Variants in MVB12B observed in about 807,000 individuals in gnomAD.
MVB12B encodes the protein ESCRT-I complex subunit MVB12B.
In MVB12B, 16 loss-of-function variants were observed where a neutral mutation model predicts 41.6. The ratio of observed to expected loss-of-function variants is 0.38; its 90% CI spans 0.26 to 0.58. MVB12B has a LOEUF of 0.58. MVB12B is among the 20% of genes least tolerant of loss of function. The probability of loss-of-function intolerance (pLI) is 0.62; values close to 1 mark genes in which losing one functional copy is unlikely to be tolerated. For synonymous variants in MVB12B, 133 were observed against 139.7 expected (o/e 0.95, Z 0.34); for missense variants, 274 against 380.2 (o/e 0.72, Z 2.32).
At position 126,392,581 on chromosome 9, in the gene MVB12B, G is replaced by T. The variant is rs1031575246; in HGVS notation, c.539+386G>T. 6.6e-6 allele frequency among the ~76,000 whole-genome samples: 1 copy of T among 152,234 alleles called. No individual in the cohort carries two copies. The highest frequency in any genetic ancestry group is 2.4e-5 in the African/African-American group (1 of 41,458). On this transcript the variant is annotated intron_variant, in intron 5 of 9. Transcript: ENST00000361171. This position sits in a 1 kb window ranked among gnomAD's most constrained non-coding sequence, Gnocchi z 4.8. ...GGATGTGGATATAAGTGAGGCAAAG[G>T]CCGTGCTGTCACAGAGCTGATGTTC...
chr9:126,491,121 C>G (rs72758795), intron 9 of MVB12B, among the ~76,000 whole-genome samples: 8,469 of 152,308 alleles, frequency 0.056, 374 homozygotes, highest in Non-Finnish European at 0.075. Flanking sequence ...GCCGATTCCA[C>G]TAGCATTTAC....
chr9:126,448,797 TG>T (rs1160242382), intron 7 of MVB12B, among the ~76,000 whole-genome samples: 2 of 152,158 alleles, frequency 1.3e-5, no homozygotes, highest in Admixed American at 6.5e-5. Flanking sequence ...ATGAGGGATC[TG>T]CCCCCTGATC....
At chr9:126,482,967 C>T (rs900810655) in intron 8 of MVB12B, among the ~76,000 whole-genome samples, 5 of 152,254 alleles carry the variant, frequency 3.3e-5, no homozygotes, top group Admixed American at 1.3e-4. Flanking sequence ...CGCCAGGAGG[C>T]GCTGAGACTG....
rs1246539543 is a variant in MVB12B, at chr9:126,478,548, G to A, written c.758-2821G>A. Among the ~76,000 whole-genome samples the A allele has an allele frequency of 6.6e-6, 1 of 152,186 alleles. No individual in the cohort carries two copies. Among genetic ancestry groups the A allele is most frequent in the Non-Finnish European group, 1.5e-5 (1 of 68,024 alleles). The stretch of plus-strand genomic sequence containing the variant: ...TGCAGGAGAGGCACTCAGAAGACTG[G>A]GAAGGACAGTTGAGGTACAAGCATA... On this transcript the variant is annotated intron_variant, in intron 7 of 9. Transcript: ENST00000361171. This position sits in a 1 kb window ranked among gnomAD's most constrained non-coding sequence, Gnocchi z 4.2.
intron 6 of MVB12B, 78 bp from the exon 7 acceptor site, chr9:126,421,776 T>C: frequency 9.3e-7 from 1 of 1,080,638 alleles, no homozygotes; most frequent in South Asian, 1.3e-5. Flanking sequence ...GCATTTCAGC[T>C]GTTGATGGCG....
intron 2 of MVB12B, among the ~76,000 whole-genome samples, chr9:126,368,975 C>T (rs1420361192): frequency 3.9e-5 from 6 of 152,024 alleles, no homozygotes; most frequent in Admixed American, 6.6e-5. Context: ...TCTAGACTCG[C>T]GTGTGTAGAC....
chr9:126,475,643 C>T (rs140191269), intron 7 of MVB12B, among the ~76,000 whole-genome samples: 7 of 152,270 alleles, frequency 4.6e-5, no homozygotes, highest in South Asian at 4.1e-4. Flanking sequence ...GTGAGAGCCC[C>T]GCTCCTCTTG....
chr9:126,489,520 C>T (rs990493940), intron 9 of MVB12B, among the ~76,000 whole-genome samples: 1 of 152,206 alleles, frequency 6.6e-6, no homozygotes, highest in Non-Finnish European at 1.5e-5. Context: ...TCAGTGGATG[C>T]GCCATTGAGC....
chr9:126,340,727 C>T lies in MVB12B; in HGVS notation c.204+97C>T. ...TTCTGGCCCTTGCGTGTAAGATGTGCTTCTTCCCTCTAGGAACTTAATCCA... is the reference window on the plus strand; with the variant it reads ...TTCTGGCCCTTGCGTGTAAGATGTGTTTCTTCCCTCTAGGAACTTAATCCA... On this transcript the variant is annotated intron_variant, in intron 2 of 9. Coordinates refer to ENST00000361171, the MANE Select transcript of MVB12B (RefSeq NM_033446.3). This position sits in a 1 kb window ranked among gnomAD's most constrained non-coding sequence, Gnocchi z 4.0. The T allele has an allele frequency of 3.6e-6, 5 of 1,406,298 alleles. No individual in the cohort carries two copies. The highest frequency in any genetic ancestry group is 4.9e-6 in the Non-Finnish European group (5 of 1,020,738). The allele number at this position is 1,406,298 out of a possible 1,614,324, so 87.1% of individuals were successfully genotyped here.
chr9:126,484,173 G>A (rs546537294), intron 9 of MVB12B, 141 bp downstream of exon 9: 53 of 705,940 alleles, frequency 7.5e-5, no homozygotes, highest in African/African-American at 7.1e-4. Context: ...AAACACTTTC[G>A]TTGCACCCAA....
rs1305946958 is a variant in MVB12B at position 126,459,353 on chromosome 9, A to G, written c.758-22016A>G. Among the ~76,000 whole-genome samples, 3 of 152,150 alleles carry G rather than the reference A, an allele frequency of 2.0e-5. No individual in the cohort carries two copies. The highest frequency in any genetic ancestry group is 4.1e-4 in the South Asian group (2 of 4,824). ...TCTTAGGGGACTGTGACCCATGGGG[A>G]CAGTCTAGCATGGTGCTTGGCACAA... is the stretch of plus-strand genomic sequence containing the variant. On this transcript the variant is annotated intron_variant, in intron 7 of 9. Transcript: ENST00000361171. The surrounding 1 kb of genome is among the most constrained non-coding windows in gnomAD (Gnocchi z 4.3).
chr9:126,393,384 C>T (rs1190316923), intron 5 of MVB12B, among the ~76,000 whole-genome samples: 1 of 152,226 alleles, frequency 6.6e-6, no homozygotes, highest in Non-Finnish European at 1.5e-5. Flanking sequence ...AGTAGCTCCA[C>T]CTGCTTTTCA....
At chr9:126,336,560 A>C (rs1196777388) in intron 1 of MVB12B, among the ~76,000 whole-genome samples, 1 of 152,230 alleles carries the variant, frequency 6.6e-6, no homozygotes, top group African/African-American at 2.4e-5. Context: ...GGCCTCCCCA[A>C]GCGCTATCTG....
chr9:126,404,026 TCA>T (rs977695369), intron 6 of MVB12B, among the ~76,000 whole-genome samples: 1 of 145,414 alleles, frequency 6.9e-6, no homozygotes, highest in Non-Finnish European at 1.5e-5. Flanking sequence ...CTATCTCGGC[TCA>T]CTGCAACCTC....
chr9:126,361,798 C>T (rs1217653124), intron 2 of MVB12B, among the ~76,000 whole-genome samples: 1 of 151,702 alleles, frequency 6.6e-6, no homozygotes, highest in African/African-American at 2.4e-5. Flanking sequence ...CCTGTAATCC[C>T]AGCAGCTCAG....
chr9:126,483,673 C>T (rs941029754), intron 8 of MVB12B, among the ~76,000 whole-genome samples: 2 of 152,210 alleles, frequency 1.3e-5, no homozygotes, highest in African/African-American at 2.4e-5. Flanking sequence ...AGGCCAGCCA[C>T]GGTCAGTCCT....
At chr9:126,405,567 A>C (rs1290045243) in intron 6 of MVB12B, among the ~76,000 whole-genome samples, 1 of 152,056 alleles carries the variant, frequency 6.6e-6, no homozygotes, top group Admixed American at 6.5e-5. Context: ...CTGCCAAATA[A>C]AGTAAAAATG....
chr9:126,358,484 C>T (rs1829943215), intron 2 of MVB12B, among the ~76,000 whole-genome samples: 1 of 152,152 alleles, frequency 6.6e-6, no homozygotes. Context: ...TCTTTAATTT[C>T]TCTCAGCAGT....
Position 126,392,260 on chromosome 9 carries a change from C to T in MVB12B, c.539+65C>T. On this transcript the variant is annotated intron_variant, in intron 5 of 9. Transcript: ENST00000361171. This position sits in a 1 kb window ranked among gnomAD's most constrained non-coding sequence, Gnocchi z 4.8. ...CTGAGAGCACTCAGGCCACTCCAGG[C>T]AATGAGGTCCAAGAGATTTCCATGC... The T allele has an allele frequency of 6.3e-7, 1 of 1,582,052 alleles. No individual in the cohort carries two copies.
Sources: gnomAD v4.1 joint callset for allele counts (sites outside exome capture counted in the v4.1 genomes callset) on GRCh38, gnomAD v4.1.1 for gene constraint, Gnocchi (gnomAD v3.1) non-coding constraint, MANE v1.5 for transcripts, NCBI Gene and HGNC (gene_info 2026-07-23, HGNC 2026-07-21) for gene names.